MAF: variants seen among roughly 807,000 people sequenced by gnomAD.
MAF encodes transcription factor Maf.
In MAF, 10 loss-of-function variants were observed where a neutral mutation model predicts 22.0. The ratio of observed to expected loss-of-function variants is 0.45; its 90% CI spans 0.28 to 0.77. MAF has a LOEUF of 0.77. Ranked by LOEUF, MAF falls within the 30% of genes least tolerant of loss-of-function variation. The pLI, the probability that MAF is intolerant of heterozygous loss-of-function variation, is 0.12. For missense variants in MAF, 544 were observed against 548.4 expected (o/e 0.99, Z 0.08); for synonymous variants, 337 against 255.8 (o/e 1.32, Z -3.03).
the MAF span, among the ~76,000 whole-genome samples, chr16:79,241,735 T>G: frequency 6.6e-6 from 1 of 151,384 alleles, no homozygotes; most frequent in East Asian, 1.9e-4. Flanking sequence ...CCAAGACACA[T>G]GCTTATCAGA....
At chr16:79,595,152 C>G (rs1355804937) in intron 1 of MAF, 7 of 1,035,642 alleles carry the variant, frequency 6.8e-6, no homozygotes, top group Middle Eastern at 8.9e-4. Flanking sequence ...AAAGAAATAT[C>G]TGAAGTCAAG....
chr16:79,284,846 T>A, the MAF span, among the ~76,000 whole-genome samples: 3 of 152,178 alleles, frequency 2.0e-5, no homozygotes, highest in Non-Finnish European at 4.4e-5. Context: ...CTCAGTCACC[T>A]GGACTCGTTA....
the MAF span, among the ~76,000 whole-genome samples, chr16:79,521,248 G>T: frequency 3.3e-5 from 5 of 152,138 alleles, no homozygotes; most frequent in East Asian, 9.6e-4. Flanking sequence ...TAATAGAATC[G>T]CAACATATCA....
At chr16:79,237,363 T>C in the MAF span, among the ~76,000 whole-genome samples, 1 of 152,060 alleles carries the variant, frequency 6.6e-6, no homozygotes, top group Non-Finnish European at 1.5e-5. Flanking sequence ...TGCTGGTGGC[T>C]TGGGAGGGAA....
At chr16:79,410,838 G>C in the MAF span, among the ~76,000 whole-genome samples, 1 of 152,198 alleles carries the variant, frequency 6.6e-6, no homozygotes, top group African/African-American at 2.4e-5. Flanking sequence ...GGGTTTGGGT[G>C]TGAATCAGGC....
chr16:79,549,465 A>G, the MAF span, among the ~76,000 whole-genome samples: 1 of 152,236 alleles, frequency 6.6e-6, no homozygotes, highest in African/African-American at 2.4e-5. Context: ...ACGTTCCTCA[A>G]CAACTGCAGG....
At chr16:79,594,609 G>T in intron 1 of MAF, 56 bp from the exon 2 acceptor site, 1 of 1,546,616 alleles carries the variant, frequency 6.5e-7, no homozygotes, top group Non-Finnish European at 8.7e-7. Context: ...CAAACGCAGC[G>T]TAAAGGGGAA....
At chr16:79,497,292 C>G in the MAF span, among the ~76,000 whole-genome samples, 1 of 152,204 alleles carries the variant, frequency 6.6e-6, no homozygotes, top group Non-Finnish European at 1.5e-5. Context: ...CTGCTATAGA[C>G]AGGTACTAGT....
the MAF span, among the ~76,000 whole-genome samples, chr16:79,362,587 C>T: frequency 0.039 from 5,862 of 152,258 alleles, 260 homozygotes; most frequent in African/African-American, 0.1. Flanking sequence ...ACTATAGGCA[C>T]GAAGAGCAGG....
chr16:79,211,039 G>GTGTGTGTC, the MAF span, among the ~76,000 whole-genome samples: 2 of 144,748 alleles, frequency 1.4e-5, no homozygotes, highest in Admixed American at 6.8e-5. Context: ...TGAGGAGTGT[G>GTGTGTGTC]TGTGTGTGTG....
chr16:79,390,127 G>A, the MAF span, among the ~76,000 whole-genome samples: 1 of 151,872 alleles, frequency 6.6e-6, no homozygotes, highest in South Asian at 2.1e-4. Flanking sequence ...ATGTGCAAGT[G>A]TATTCCCAAG....
At chr16:79,260,897 T>C in the MAF span, among the ~76,000 whole-genome samples, 1 of 151,172 alleles carries the variant, frequency 6.6e-6, no homozygotes, top group African/African-American at 2.4e-5. Flanking sequence ...AAAATCCAGG[T>C]GGAAAATAGC....
At chr16:79,222,736 T>C in the MAF span, among the ~76,000 whole-genome samples, 2 of 152,046 alleles carry the variant, frequency 1.3e-5, no homozygotes, top group Non-Finnish European at 2.9e-5. Context: ...TAGTCTCTGA[T>C]AAAACAGTTT....
chr16:79,468,055 G>A, the MAF span, among the ~76,000 whole-genome samples: 1 of 152,136 alleles, frequency 6.6e-6, no homozygotes, highest in Non-Finnish European at 1.5e-5. Context: ...ATGTGTCACT[G>A]AGCAGACCTG....
At chr16:79,211,673 G>T in the MAF span, 10 of 1,614,238 alleles carry the variant, frequency 6.2e-6, no homozygotes, top group Non-Finnish European at 8.5e-6. Context: ...TGGGAGGGAT[G>T]TACTTCAACA....
At chr16:79,495,976 A>G in the MAF span, among the ~76,000 whole-genome samples, 1 of 152,230 alleles carries the variant, frequency 6.6e-6, no homozygotes, top group Admixed American at 6.5e-5. Context: ...GATGTTTTCT[A>G]AAATGACTCC....
At chr16:79,525,870 G>A in the MAF span, among the ~76,000 whole-genome samples, 7 of 152,096 alleles carry the variant, frequency 4.6e-5, no homozygotes, top group East Asian at 9.6e-4. Flanking sequence ...GCAAGAATTC[G>A]CGAGAAAGAA....
the MAF span, among the ~76,000 whole-genome samples, chr16:79,223,685 C>T: frequency 2.0e-5 from 3 of 152,168 alleles, no homozygotes; most frequent in African/African-American, 4.8e-5. Context: ...GATATCACCA[C>T]TGATCTCACA....
At chr16:79,401,042 G>C in the MAF span, among the ~76,000 whole-genome samples, 2 of 152,168 alleles carry the variant, frequency 1.3e-5, no homozygotes, top group Admixed American at 6.5e-5. Flanking sequence ...TTGTTCTCAA[G>C]AACTTCACCA....
Sources: gnomAD v4.1 joint callset for allele counts (sites outside exome capture counted in the v4.1 genomes callset) on GRCh38, gnomAD v4.1.1 for gene constraint, MANE v1.5 for transcripts, NCBI Gene and HGNC (gene_info 2026-07-23, HGNC 2026-07-21) for gene names.